BRAF: variants seen among roughly 807,000 people sequenced by gnomAD.
BRAF encodes the protein B-Raf proto-oncogene, serine/threonine kinase.
In BRAF, 16 loss-of-function variants were observed where a neutral mutation model predicts 104.6. That is an observed-to-expected ratio of 0.15 (90% CI 0.10 to 0.23). The LOEUF is 0.23. BRAF is among the 10% of genes least tolerant of loss of function. BRAF has a pLI of 1.00. For missense variants in BRAF, 541 were observed against 937.3 expected, an observed-to-expected ratio of 0.58 and a Z score of 5.52; for synonymous variants, 310 against 341.6, an observed-to-expected ratio of 0.91 and a Z score of 1.02.
In BRAF at chr7:140,909,829, AC is replaced by A. The variant is rs1439946882; in HGVS notation, c.138+14736del. ...TCTCAAAACAACAACAACAACAACA[AC>A]AACAACAACAACAACAAAAAAGTGC... On this transcript the variant is annotated intron_variant, in intron 1 of 19. Coordinates refer to ENST00000644969, the MANE Select transcript of BRAF (RefSeq NM_001374258.1). Among the ~76,000 whole-genome samples, 1,469 of 152,060 alleles carry A rather than the reference AC, an allele frequency of 9.7e-3. 21 individuals carry two copies. Among genetic ancestry groups the A allele is most frequent in the African/African-American group, 0.032 (1,340 of 41,428 alleles).
intron 1 of BRAF, among the ~76,000 whole-genome samples, chr7:140,911,392 A>C (rs564108900): frequency 6.6e-6 from 1 of 152,244 alleles, no homozygotes; most frequent in Non-Finnish European, 1.5e-5. Flanking sequence ...ATCATCACAG[A>C]AAGTATGACT....
At chr7:140,744,614 T>C (rs757064526) in intron 17 of BRAF, among the ~76,000 whole-genome samples, 1 of 152,190 alleles carries the variant, frequency 6.6e-6, no homozygotes, top group Non-Finnish European at 1.5e-5. Context: ...CTTCTTATAA[T>C]TTAGATAAAA....
intron 14 of BRAF, among the ~76,000 whole-genome samples, chr7:140,756,711 T>G (rs541705539): frequency 6.6e-6 from 1 of 152,304 alleles, no homozygotes; most frequent in South Asian, 2.1e-4. Context: ...GGTAAGATGT[T>G]AAGGAGAGCA....
intron 19 of BRAF, chr7:140,726,558 C>G (rs889910003): frequency 6.8e-7 from 1 of 1,464,982 alleles, no homozygotes; most frequent in African/African-American, 1.4e-5. Flanking sequence ...AAAGTCATCT[C>G]AAATAACCTA....
intron 1 of BRAF, among the ~76,000 whole-genome samples, chr7:140,857,340 G>A (rs1809905221): frequency 6.6e-6 from 1 of 152,116 alleles, no homozygotes; most frequent in African/African-American, 2.4e-5. Flanking sequence ...TTTCCTTATT[G>A]TCTCTAGAGA....
chr7:140,737,499 C>T (rs995051251), intron 18 of BRAF, among the ~76,000 whole-genome samples: 2 of 152,142 alleles, frequency 1.3e-5, no homozygotes, highest in Admixed American at 6.6e-5. Context: ...TCCCTTTGCC[C>T]ATTTTCTATT....
chr7:140,749,500 A>G, intron 16 of BRAF, 82 bp from the exon 16 acceptor site: 2 of 1,457,006 alleles, frequency 1.4e-6, no homozygotes, highest in East Asian at 2.3e-5. Context: ...TCCTAGAGCA[A>G]TGCTTTTACC....
In BRAF at chr7:140,722,117, T is replaced by C. The variant is rs1336145812; in HGVS notation, c.*4377A>G. On this transcript the variant is annotated 3_prime_UTR_variant, in exon 20 of 20. Coordinates refer to ENST00000644969, the MANE Select transcript of BRAF (RefSeq NM_001374258.1). ...AAAGTTCCATGCTTTGAAGAGCCTA[T>C]GGGAGTAGAAAAAGTTTCTCTAGAA... 1 of 1,072,722 alleles carries C rather than the reference T, an allele frequency of 9.3e-7. No homozygotes were observed. The highest frequency in any genetic ancestry group is 1.1e-6 in the Non-Finnish European group (1 of 884,700). 66.5% of individuals were successfully genotyped at this position (1,072,722 alleles called of 1,614,324 possible).
At chr7:140,851,183 A>C (rs1221280873) in intron 1 of BRAF, among the ~76,000 whole-genome samples, 2 of 152,064 alleles carry the variant, frequency 1.3e-5, no homozygotes, top group Non-Finnish European at 2.9e-5. Context: ...TTTTAAGATA[A>C]ATAAGTAATC....
chr7:140,921,605 A>G lies in BRAF; in HGVS notation c.138+2961T>C, dbSNP rs189578765. 7.6e-3 allele frequency among the ~76,000 whole-genome samples: 1,163 copies of G among 152,238 alleles called. 44 individuals are homozygous for G. Among genetic ancestry groups the G allele is most frequent in the Admixed American group, 0.057 (873 of 15,292 alleles). On this transcript the variant is annotated intron_variant, in intron 1 of 19. Transcript: ENST00000644969. Reference sequence around the variant, plus strand: ...TAAGTTTTTTAAAATACAAAACTACATAGTGTTATAAAAGCATTAAAAAAG... The same window carrying G: ...TAAGTTTTTTAAAATACAAAACTACGTAGTGTTATAAAAGCATTAAAAAAG...
At chr7:140,918,492 C>T (rs1008044444) in intron 1 of BRAF, among the ~76,000 whole-genome samples, 14 of 152,162 alleles carry the variant, frequency 9.2e-5, no homozygotes, top group Non-Finnish European at 1.9e-4. Flanking sequence ...TAACAGGTCA[C>T]GGACTGGTAG....
chr7:140,917,073 T>C (rs1340926080), intron 1 of BRAF, among the ~76,000 whole-genome samples: 1 of 152,168 alleles, frequency 6.6e-6, no homozygotes, highest in Non-Finnish European at 1.5e-5. Context: ...ATATGTAAAA[T>C]AATGAATGAA....
At chr7:140,846,101 C>T (rs756475378) in intron 2 of BRAF, among the ~76,000 whole-genome samples, 5 of 152,080 alleles carry the variant, frequency 3.3e-5, no homozygotes, top group Non-Finnish European at 7.4e-5. Context: ...AAAGGTGTGG[C>T]AACTCCAGAA....
At chr7:140,777,766 C>G (rs1800473585) in intron 13 of BRAF, among the ~76,000 whole-genome samples, 1 of 152,112 alleles carries the variant, frequency 6.6e-6, no homozygotes. Context: ...ACTATACTTC[C>G]ATTAATTCAG....
intron 14 of BRAF, among the ~76,000 whole-genome samples, chr7:140,763,022 C>T (rs560654611): frequency 1.0e-3 from 155 of 152,352 alleles, no homozygotes; most frequent in Non-Finnish European, 1.9e-3. Context: ...TACACAGACA[C>T]GGCAACCATC....
At chr7:140,762,603 GTTTTTTTTT>G (rs774057622) in intron 14 of BRAF, among the ~76,000 whole-genome samples, 1 of 96,216 alleles carries the variant, frequency 1.0e-5, no homozygotes, top group African/African-American at 3.5e-5. Context: ...TCCAGGAGCT[GTTTTTTTTT>G]TTTTTTTTTT....
intron 7 of BRAF, among the ~76,000 whole-genome samples, chr7:140,796,821 A>AT (rs1802538473): frequency 6.6e-6 from 1 of 152,196 alleles, no homozygotes; most frequent in African/African-American, 2.4e-5. Context: ...TCTGATTATA[A>AT]TTTGATTTCC....
intron 16 of BRAF, among the ~76,000 whole-genome samples, chr7:140,751,927 A>G (rs909937450): frequency 6.6e-6 from 1 of 152,200 alleles, no homozygotes; most frequent in Admixed American, 6.5e-5. Context: ...AGACTTTTGG[A>G]AAGGCTGTAT....
chr7:140,883,378 C>T (rs1352078944), intron 1 of BRAF, among the ~76,000 whole-genome samples: 2 of 152,182 alleles, frequency 1.3e-5, no homozygotes, highest in African/African-American at 4.8e-5. Flanking sequence ...TAAGCTTTCT[C>T]AGGCTTGGCC....
Sources: allele counts gnomAD v4.1 joint callset (sites outside exome capture counted in the v4.1 genomes callset), GRCh38; gene constraint gnomAD v4.1.1; transcripts MANE v1.5; gene names NCBI Gene and HGNC (gene_info 2026-07-23, HGNC 2026-07-21).